The following NKAIN3 variants were observed in gnomAD, a reference collection of about 807,000 sequenced individuals.
The protein encoded by NKAIN3 is sodium/potassium transporting ATPase interacting 3.
A neutral mutation model predicts 30.2 loss-of-function variants in NKAIN3; 25 were observed. That is an observed-to-expected ratio of 0.83 (90% CI 0.60 to 1.16). The LOEUF (loss-of-function observed/expected upper bound fraction) is 1.16. Ranked by LOEUF, NKAIN3 falls within the 50% of genes most tolerant of loss-of-function variation. NKAIN3 has a pLI of 0.00. For missense variants in NKAIN3, 225 were observed against 254.1 expected, an observed-to-expected ratio of 0.89 and a Z score of 0.78; for synonymous variants, 91 against 89.6, an observed-to-expected ratio of 1.02 and a Z score of -0.09.
At chr8:62,754,514 G>A (rs1313390052) in intron 4 of NKAIN3, among the ~76,000 whole-genome samples, 2 of 152,090 alleles carry the variant, frequency 1.3e-5, no homozygotes, top group Admixed American at 1.3e-4. Flanking sequence ...ATATTGTCTT[G>A]AATCCTCACT....
intron 3 of NKAIN3, among the ~76,000 whole-genome samples, chr8:62,689,696 C>G (rs1378046516): frequency 6.6e-6 from 1 of 152,006 alleles, no homozygotes. Flanking sequence ...TCAGAAAATC[C>G]TACTTAGCCC....
chr8:62,321,825 G>A (rs1011769031), intron 1 of NKAIN3, among the ~76,000 whole-genome samples: 10 of 152,238 alleles, frequency 6.6e-5, no homozygotes, highest in East Asian at 1.9e-4. Context: ...CTCCAGCTGC[G>A]TGCTGGGAGA....
At chr8:62,889,505 G>A (rs988227627) in intron 4 of NKAIN3, among the ~76,000 whole-genome samples, 2 of 152,158 alleles carry the variant, frequency 1.3e-5, no homozygotes, top group Admixed American at 1.3e-4. Context: ...GTAAATAGTA[G>A]ATTCTCCCAA....
rs546384154 is a variant in NKAIN3 at position 62,969,483 on chromosome 8, G to A, written c.*4076G>A. 3.3e-5 allele frequency among the ~76,000 whole-genome samples: 5 copies of A among 152,204 alleles called. No individual in the cohort carries two copies. The highest frequency in any genetic ancestry group is 3.4e-3 in the Middle Eastern group (1 of 294). On this transcript the variant is annotated 3_prime_UTR_variant, in exon 7 of 7. Coordinates refer to ENST00000623646, the MANE Select transcript of NKAIN3 (RefSeq NM_001304533.3). The stretch of plus-strand genomic sequence containing the variant: ...TTCATTTCATACCTAATTTTAAAAC[G>A]AATTGTGTCCCCAAATATGGTCTAT...
At chr8:62,575,522 T>G (rs1382172391) in intron 1 of NKAIN3, among the ~76,000 whole-genome samples, 1 of 152,090 alleles carries the variant, frequency 6.6e-6, no homozygotes, top group Non-Finnish European at 1.5e-5. Context: ...TCAATATTGT[T>G]AAAATGTCTA....
chr8:62,690,500 T>C (rs551431098), intron 3 of NKAIN3, among the ~76,000 whole-genome samples: 4 of 152,322 alleles, frequency 2.6e-5, no homozygotes, highest in African/African-American at 9.6e-5. Context: ...ATGTACAATC[T>C]GGGAAGTTTT....
intron 1 of NKAIN3, among the ~76,000 whole-genome samples, chr8:62,534,010 G>T (rs565655895): frequency 6.6e-6 from 1 of 152,230 alleles, no homozygotes; most frequent in East Asian, 1.9e-4. Context: ...GACTTCAGAC[G>T]CAACATTACC....
chr8:62,323,903 C>A (rs1815026192), intron 1 of NKAIN3, among the ~76,000 whole-genome samples: 1 of 151,890 alleles, frequency 6.6e-6, no homozygotes, highest in South Asian at 2.1e-4. Context: ...CTGGAAAAGA[C>A]AAATTAGGGG....
intron 4 of NKAIN3, among the ~76,000 whole-genome samples, chr8:62,830,172 T>C (rs1045771862): frequency 1.2e-4 from 19 of 152,292 alleles, no homozygotes; most frequent in African/African-American, 4.6e-4. Flanking sequence ...TCTAGGTACA[T>C]TTTCAGAAAC....
chr8:62,949,603 G>T (rs1823224566), intron 5 of NKAIN3, among the ~76,000 whole-genome samples: 1 of 152,182 alleles, frequency 6.6e-6, no homozygotes, highest in South Asian at 2.1e-4. Flanking sequence ...TTTCCTGGCT[G>T]CAGGCTCTCT....
intron 1 of NKAIN3, among the ~76,000 whole-genome samples, chr8:62,426,037 A>C (rs1804795532): frequency 6.6e-6 from 1 of 151,986 alleles, no homozygotes; most frequent in Admixed American, 6.6e-5. Flanking sequence ...TGTATTCAAA[A>C]GTTTTTCACA....
chr8:62,286,844 A>G (rs759851605), intron 1 of NKAIN3, among the ~76,000 whole-genome samples: 2 of 151,852 alleles, frequency 1.3e-5, no homozygotes, highest in Non-Finnish European at 2.9e-5. Context: ...TGTTAATGGC[A>G]TTTGTCTGTA....
intron 1 of NKAIN3, among the ~76,000 whole-genome samples, chr8:62,272,542 G>C (rs972246337): frequency 6.6e-6 from 1 of 152,244 alleles, no homozygotes; most frequent in Non-Finnish European, 1.5e-5. Flanking sequence ...ATTCAAAAAA[G>C]ACTTCTTATA....
At chr8:62,903,788 A>T (rs1378778600) in intron 4 of NKAIN3, among the ~76,000 whole-genome samples, 1 of 152,180 alleles carries the variant, frequency 6.6e-6, no homozygotes, top group Non-Finnish European at 1.5e-5. Context: ...ACTTACAATC[A>T]TGGCAGAAGG....
intron 3 of NKAIN3, among the ~76,000 whole-genome samples, chr8:62,606,103 C>T (rs970068380): frequency 3.9e-5 from 6 of 152,020 alleles, no homozygotes; most frequent in African/African-American, 9.7e-5. Flanking sequence ...AAATGTGCGT[C>T]GATCCACCAT....
At chr8:62,931,960 TTTGA>T (rs753037017) in intron 5 of NKAIN3, among the ~76,000 whole-genome samples, 1 of 152,226 alleles carries the variant, frequency 6.6e-6, no homozygotes, top group African/African-American at 2.4e-5. Flanking sequence ...CATTGAAATG[TTTGA>T]TTGGCTGTAT....
At chr8:62,764,101 G>A (rs976167060) in intron 4 of NKAIN3, among the ~76,000 whole-genome samples, 2 of 152,196 alleles carry the variant, frequency 1.3e-5, no homozygotes, top group African/African-American at 4.8e-5. Flanking sequence ...GCCGACCTTA[G>A]CCATTTGGCT....
chr8:62,316,150 C>T (rs952773563), intron 1 of NKAIN3, among the ~76,000 whole-genome samples: 2 of 152,066 alleles, frequency 1.3e-5, no homozygotes, highest in African/African-American at 4.8e-5. Flanking sequence ...CTGAGGCCTC[C>T]CCAGCCCTAC....
intron 1 of NKAIN3, among the ~76,000 whole-genome samples, chr8:62,528,579 T>C (rs890988326): frequency 1.3e-5 from 2 of 151,746 alleles, no homozygotes; most frequent in African/African-American, 4.8e-5. Flanking sequence ...AGCTCATAGC[T>C]CTTAGAGCTA....
Sources: allele counts gnomAD v4.1 joint callset (sites outside exome capture counted in the v4.1 genomes callset), GRCh38; gene constraint gnomAD v4.1.1; transcripts MANE v1.5; gene names NCBI Gene and HGNC (gene_info 2026-07-23, HGNC 2026-07-21).